Variants in TAS2R1 observed in about 807,000 individuals in gnomAD.
TAS2R1 encodes taste 2 receptor member 1.
For missense variants in TAS2R1, 370 were observed against 353.4 expected (o/e 1.05, Z -0.38); for synonymous variants, 141 against 134.2 (o/e 1.05, Z -0.35).
chr5:9,748,542 C>A, the TAS2R1 span, among the ~76,000 whole-genome samples: 1 of 152,044 alleles, frequency 6.6e-6, no homozygotes, highest in Non-Finnish European at 1.5e-5. Flanking sequence ...AGCCCTCAGG[C>A]GCTTTCACTC....
the TAS2R1 span, among the ~76,000 whole-genome samples, chr5:9,789,386 T>A: frequency 6.6e-6 from 1 of 152,206 alleles, no homozygotes; most frequent in African/African-American, 2.4e-5. Flanking sequence ...CGTGCGCAGA[T>A]CCTTCGACAG....
chr5:9,778,590 G>T, the TAS2R1 span, among the ~76,000 whole-genome samples: 4 of 152,190 alleles, frequency 2.6e-5, no homozygotes, highest in Non-Finnish European at 5.9e-5. Context: ...ACTTGTCTTA[G>T]CTAAATCTTC....
At chr5:9,855,655 T>G in the TAS2R1 span, among the ~76,000 whole-genome samples, 1 of 152,244 alleles carries the variant, frequency 6.6e-6, no homozygotes, top group East Asian at 1.9e-4. Flanking sequence ...TGCCTCCAAG[T>G]TTTTATCTTT....
chr5:9,797,050 C>A, the TAS2R1 span, among the ~76,000 whole-genome samples: 1 of 152,178 alleles, frequency 6.6e-6, no homozygotes, highest in African/African-American at 2.4e-5. Flanking sequence ...CTCCTGGGAT[C>A]CTCCTGGGGT....
intron 1 of TAS2R1, among the ~76,000 whole-genome samples, chr5:9,662,489 G>A (rs1740556420): frequency 6.6e-6 from 1 of 152,168 alleles, no homozygotes; most frequent in Admixed American, 6.5e-5. Flanking sequence ...AGGAGTGACA[G>A]TTGTCACTCC....
the TAS2R1 span, among the ~76,000 whole-genome samples, chr5:9,723,363 A>G: frequency 6.6e-6 from 1 of 152,166 alleles, no homozygotes; most frequent in South Asian, 2.1e-4. Flanking sequence ...ACTGCGGGGC[A>G]AAAGCTTATT....
the TAS2R1 span, among the ~76,000 whole-genome samples, chr5:9,724,269 T>C: frequency 6.6e-6 from 1 of 152,168 alleles, no homozygotes; most frequent in Non-Finnish European, 1.5e-5. Context: ...AACCTTTTTT[T>C]CTGGCTCTAT....
chr5:9,880,304 G>A, the TAS2R1 span, among the ~76,000 whole-genome samples: 3 of 152,170 alleles, frequency 2.0e-5, no homozygotes, highest in African/African-American at 2.4e-5. Flanking sequence ...GAAGACACCT[G>A]CTTCCTAAGG....
the TAS2R1 span, among the ~76,000 whole-genome samples, chr5:9,874,673 C>T: frequency 9.2e-5 from 14 of 152,278 alleles, no homozygotes; most frequent in Admixed American, 3.3e-4. Context: ...TGAATCCCCG[C>T]GCTACAGGTC....
the TAS2R1 span, among the ~76,000 whole-genome samples, chr5:9,759,292 T>C: frequency 1.3e-5 from 2 of 152,174 alleles, no homozygotes; most frequent in Non-Finnish European, 1.5e-5. Context: ...ACTGACCAAC[T>C]TTGCACTCAA....
the TAS2R1 span, among the ~76,000 whole-genome samples, chr5:9,745,667 A>G: frequency 6.6e-6 from 1 of 152,166 alleles, no homozygotes; most frequent in Non-Finnish European, 1.5e-5. Context: ...AGCAAAGAGG[A>G]AAGGATTCTC....
intron 1 of TAS2R1, among the ~76,000 whole-genome samples, chr5:9,705,281 G>A (rs998146090): frequency 4.6e-5 from 7 of 152,230 alleles, no homozygotes; most frequent in African/African-American, 1.7e-4. Context: ...TCTAGGGGAG[G>A]TGTGAGTAGA....
At chr5:9,896,035 T>C in the TAS2R1 span, among the ~76,000 whole-genome samples, 5 of 152,208 alleles carry the variant, frequency 3.3e-5, no homozygotes, top group African/African-American at 1.2e-4. Context: ...TAGTGTGAAA[T>C]TAAAGCTATC....
At chr5:9,738,364 CA>C in the TAS2R1 span, among the ~76,000 whole-genome samples, 3 of 152,086 alleles carry the variant, frequency 2.0e-5, no homozygotes, top group African/African-American at 7.3e-5. Flanking sequence ...TGACAGCTGT[CA>C]CGTTTCCTGA....
intron 2 of TAS2R1, among the ~76,000 whole-genome samples, chr5:9,656,154 G>T (rs1402039934): frequency 6.6e-6 from 1 of 152,080 alleles, no homozygotes; most frequent in African/African-American, 2.4e-5. Flanking sequence ...CACAGTACCT[G>T]GCACATATAG....
the TAS2R1 span, among the ~76,000 whole-genome samples, chr5:9,892,821 A>G: frequency 6.6e-6 from 1 of 152,174 alleles, no homozygotes; most frequent in Non-Finnish European, 1.5e-5. Context: ...AAAACAAACA[A>G]AAAAACAAAA....
chr5:9,805,267 A>G, the TAS2R1 span, among the ~76,000 whole-genome samples: 3 of 152,190 alleles, frequency 2.0e-5, no homozygotes, highest in African/African-American at 2.4e-5. Flanking sequence ...ATTATCAAAA[A>G]TAAAACATCC....
chr5:9,884,554 ACAAT>A, the TAS2R1 span, among the ~76,000 whole-genome samples: 1 of 151,952 alleles, frequency 6.6e-6, no homozygotes, highest in African/African-American at 2.4e-5. Context: ...TTTGGAGGAG[ACAAT>A]CAAACCACAG....
chr5:9,731,549 C>T, the TAS2R1 span, among the ~76,000 whole-genome samples: 1 of 152,236 alleles, frequency 6.6e-6, no homozygotes, highest in Non-Finnish European at 1.5e-5. Flanking sequence ...ATTCTACTCT[C>T]CCTTCTTCCA....
Sources: allele counts gnomAD v4.1 joint callset (sites outside exome capture counted in the v4.1 genomes callset), GRCh38; gene constraint gnomAD v4.1.1; transcripts MANE v1.5; gene names NCBI Gene and HGNC (gene_info 2026-07-23, HGNC 2026-07-21).